The following PRMT3 variants were observed in gnomAD, a reference collection of about 807,000 sequenced individuals.
PRMT3 encodes the protein protein arginine N-methyltransferase 3.
A neutral mutation model predicts 71.9 loss-of-function variants in PRMT3; 62 were observed. That is an observed-to-expected ratio of 0.86 (90% CI 0.70 to 1.07). The LOEUF (loss-of-function observed/expected upper bound fraction) is 1.07, where lower values mean the gene tolerates loss of function less well. Among genes scored for constraint, PRMT3 ranks in the 50% least tolerant of loss-of-function variants. The pLI is 0.00. For missense variants in PRMT3, 663 were observed against 643.0 expected (o/e 1.03, Z -0.34); for synonymous variants, 213 against 220.4 (o/e 0.97, Z 0.30).
chr11:20,413,172 G>C (rs1849231675), intron 9 of PRMT3, among the ~76,000 whole-genome samples: 2 of 152,060 alleles, frequency 1.3e-5, no homozygotes, highest in African/African-American at 4.8e-5. Context: ...ATTGTGAAAA[G>C]GTAGTTATTT....
At chr11:20,469,830 T>A (rs1384694880) in intron 13 of PRMT3, among the ~76,000 whole-genome samples, 1 of 152,208 alleles carries the variant, frequency 6.6e-6, no homozygotes. Context: ...TCTACTTTTC[T>A]ATTAGCATGT....
At chr11:20,409,729 T>G (rs183068107) in intron 9 of PRMT3, among the ~76,000 whole-genome samples, 43 of 151,694 alleles carry the variant, frequency 2.8e-4, no homozygotes, top group African/African-American at 1.0e-3. Context: ...CATACATATA[T>G]ATAGATAGAT....
intron 15 of PRMT3, among the ~76,000 whole-genome samples, chr11:20,500,350 T>A (rs1330759025): frequency 1.3e-5 from 2 of 152,300 alleles, no homozygotes; most frequent in South Asian, 2.1e-4. Flanking sequence ...CTTTATTAAT[T>A]CAGTGCAATC....
Position 20,387,719 on chromosome 11 carries a change from C to A in PRMT3, c.-28C>A. 1 of 1,520,914 alleles carries A rather than the reference C, an allele frequency of 6.6e-7. No individual in the cohort carries two copies. The highest frequency in any genetic ancestry group is 8.8e-7 in the Non-Finnish European group (1 of 1,137,918). The allele number at this position is 1,520,914 out of a possible 1,614,324, so 94.2% of individuals were successfully genotyped here. The stretch of plus-strand genomic sequence containing the variant: ...GCCCAACCCGGTCCCCGCCCCCAGA[C>A]ACGCCGGGCTCTCGGGGCACCACAG... On this transcript the variant is annotated 5_prime_UTR_variant, in exon 1 of 16. Coordinates refer to ENST00000331079, the MANE Select transcript of PRMT3 (RefSeq NM_005788.4). This position sits in a 1 kb window ranked among gnomAD's most constrained non-coding sequence, Gnocchi z 4.3.
intron 15 of PRMT3, among the ~76,000 whole-genome samples, chr11:20,501,510 C>T (rs1851457692): frequency 6.6e-6 from 1 of 151,948 alleles, no homozygotes; most frequent in Non-Finnish European, 1.5e-5. Flanking sequence ...CTTGGTGTGG[C>T]TGAAAAAGAG....
chr11:20,478,381 A>G (rs983713905), intron 13 of PRMT3, among the ~76,000 whole-genome samples: 5 of 152,180 alleles, frequency 3.3e-5, no homozygotes, highest in East Asian at 1.9e-4. Flanking sequence ...GAAAGTAAAC[A>G]TAAGTTAGTG....
intron 6 of PRMT3, among the ~76,000 whole-genome samples, chr11:20,397,131 G>T (rs963022987): frequency 6.6e-6 from 1 of 152,068 alleles, no homozygotes; most frequent in Non-Finnish European, 1.5e-5. Flanking sequence ...TGGAGTGGGC[G>T]GTGCTGGTGT....
intron 9 of PRMT3, among the ~76,000 whole-genome samples, chr11:20,411,618 CAG>C (rs1434386616): frequency 3.3e-5 from 5 of 151,990 alleles, no homozygotes; most frequent in Non-Finnish European, 7.4e-5. Flanking sequence ...TGTTAGCAGT[CAG>C]AGAAATAGCA....
At chr11:20,409,249 T>C (rs1849139941) in intron 9 of PRMT3, among the ~76,000 whole-genome samples, 1 of 152,208 alleles carries the variant, frequency 6.6e-6, no homozygotes, top group African/African-American at 2.4e-5. Flanking sequence ...TGAATCAAGC[T>C]TGGGATGTAG....
At chr11:20,462,193 T>G (rs1258960791) in intron 12 of PRMT3, 26 bp downstream of exon 12, 2 of 1,517,568 alleles carry the variant, frequency 1.3e-6, no homozygotes, top group Non-Finnish European at 1.8e-6. Flanking sequence ...ACTTTATTTT[T>G]TATAATGGTA....
At chr11:20,473,499 A>T (rs1349567965) in intron 13 of PRMT3, among the ~76,000 whole-genome samples, 1 of 152,208 alleles carries the variant, frequency 6.6e-6, no homozygotes, top group Non-Finnish European at 1.5e-5. Context: ...CCCAGGAGTC[A>T]TTAAGGAGCA....
chr11:20,392,377 C>T lies in PRMT3; in HGVS notation c.297+117C>T, dbSNP rs536475270. On this transcript the variant is annotated intron_variant, in intron 4 of 15. Coordinates refer to ENST00000331079, the MANE Select transcript of PRMT3 (RefSeq NM_005788.4). ...GAACTGCATTAAATTTGGTACTCAT[C>T]ATATTGGGGGAATCACGGACATTAG... The T allele has an allele frequency of 2.8e-6, 3 of 1,082,404 alleles. No individual in the cohort carries two copies. In the Admixed American group the frequency reaches 9.3e-5, roughly 34 times the overall value. The allele number at this position is 1,082,404 out of a possible 1,614,324, so 67.0% of individuals were successfully genotyped here. A position where few individuals can be genotyped will look rare whatever the true frequency, so the allele number is the denominator to read the frequency against.
intron 11 of PRMT3, among the ~76,000 whole-genome samples, chr11:20,454,575 A>C (rs528105239): frequency 3.9e-5 from 6 of 152,294 alleles, no homozygotes; most frequent in Middle Eastern, 3.4e-3. Context: ...GAATCAAGAG[A>C]AAGAAAGTTC....
chr11:20,420,173 A>C (rs549297543), intron 9 of PRMT3, among the ~76,000 whole-genome samples: 1 of 152,322 alleles, frequency 6.6e-6, no homozygotes, highest in South Asian at 2.1e-4. Context: ...CTCTGTCTCA[A>C]AAAAAGAAAA....
At chr11:20,419,629 C>T (rs76638513) in intron 9 of PRMT3, among the ~76,000 whole-genome samples, 1,532 of 152,192 alleles carry the variant, frequency 0.01, 34 homozygotes, top group African/African-American at 0.036. Context: ...TACACTTAGG[C>T]ATTGATTTTT....
intron 9 of PRMT3, among the ~76,000 whole-genome samples, chr11:20,408,957 C>A (rs186522054): frequency 2.1e-3 from 324 of 152,112 alleles, no homozygotes; most frequent in Middle Eastern, 0.017. Context: ...ATTAGCCAGG[C>A]ATGGTGGTGC....
chr11:20,482,990 T>C (rs1238731919), intron 13 of PRMT3, among the ~76,000 whole-genome samples: 1 of 152,094 alleles, frequency 6.6e-6, no homozygotes, highest in Non-Finnish European at 1.5e-5. Context: ...AGTTGGTAGC[T>C]ATCTTTCTAC....
At chr11:20,476,662 T>A (rs1850794298) in intron 13 of PRMT3, among the ~76,000 whole-genome samples, 1 of 152,308 alleles carries the variant, frequency 6.6e-6, no homozygotes, top group South Asian at 2.1e-4. Flanking sequence ...TCATTATTTC[T>A]TTTTTACATT....
intron 10 of PRMT3, among the ~76,000 whole-genome samples, chr11:20,450,675 G>A (rs565738212): frequency 3.3e-5 from 5 of 152,210 alleles, no homozygotes; most frequent in East Asian, 3.9e-4. Context: ...CAATACCGAC[G>A]TAGAGTTGCC....
Sources: gnomAD v4.1 joint callset for allele counts (sites outside exome capture counted in the v4.1 genomes callset) on GRCh38, gnomAD v4.1.1 for gene constraint, Gnocchi (gnomAD v3.1) non-coding constraint, MANE v1.5 for transcripts, NCBI Gene and HGNC (gene_info 2026-07-23, HGNC 2026-07-21) for gene names.